CDC123: variants seen among roughly 807,000 people sequenced by gnomAD.
CDC123 encodes cell division cycle 123, also known as translation initiation factor eIF2 assembly protein.
Under a neutral mutation model 54.4 loss-of-function variants are expected in CDC123, and 37 were observed. The ratio of observed to expected loss-of-function variants is 0.68; its 90% CI spans 0.52 to 0.89. The LOEUF is 0.89. Among genes scored for constraint, CDC123 ranks in the 40% least tolerant of loss-of-function variants. The pLI is 0.00. For missense variants in CDC123, 361 were observed against 412.1 expected, an observed-to-expected ratio of 0.88 and a Z score of 1.07; for synonymous variants, 144 against 136.8, an observed-to-expected ratio of 1.05 and a Z score of -0.37.
intron 7 of CDC123, among the ~76,000 whole-genome samples, chr10:12,231,221 A>G (rs565397974): frequency 7.9e-5 from 12 of 152,382 alleles, no homozygotes; most frequent in Admixed American, 7.2e-4. Context: ...TACAGGATAT[A>G]CGCAGACACC....
chr10:12,226,108 CAGA>C (rs1835809238), intron 6 of CDC123, among the ~76,000 whole-genome samples: 1 of 152,132 alleles, frequency 6.6e-6, no homozygotes, highest in Non-Finnish European at 1.5e-5. Flanking sequence ...CATCCCAAGG[CAGA>C]AGAATTTTTC....
intron 10 of CDC123, among the ~76,000 whole-genome samples, chr10:12,240,138 C>T (rs1371359706): frequency 6.6e-6 from 1 of 151,892 alleles, no homozygotes; most frequent in Non-Finnish European, 1.5e-5. Flanking sequence ...ATGAAAACTT[C>T]TGTAAGGAAA....
At chr10:12,202,795 A>C (rs1835457931) in intron 2 of CDC123, among the ~76,000 whole-genome samples, 1 of 152,236 alleles carries the variant, frequency 6.6e-6, no homozygotes, top group Non-Finnish European at 1.5e-5. Flanking sequence ...CGGGCGGATC[A>C]CTTGAGGTTA....
intron 2 of CDC123, among the ~76,000 whole-genome samples, chr10:12,201,007 C>T (rs777632190): frequency 2.6e-5 from 4 of 152,018 alleles, no homozygotes; most frequent in Admixed American, 6.5e-5. Context: ...AGGGACCCTG[C>T]CCTTTTGGAG....
intron 10 of CDC123, among the ~76,000 whole-genome samples, chr10:12,243,477 A>G (rs1836087606): frequency 6.6e-6 from 1 of 151,778 alleles, no homozygotes. Context: ...AAAATGAGTT[A>G]GTTTTACTGA....
chr10:12,206,836 G>A (rs879389054), intron 2 of CDC123, among the ~76,000 whole-genome samples: 3 of 151,940 alleles, frequency 2.0e-5, no homozygotes, highest in Non-Finnish European at 4.4e-5. Context: ...GCGGGCGCCT[G>A]GAGTCCCAGC....
intron 7 of CDC123, among the ~76,000 whole-genome samples, chr10:12,231,748 C>T (rs901833033): frequency 1.3e-5 from 2 of 151,852 alleles, no homozygotes; most frequent in Non-Finnish European, 2.9e-5. Flanking sequence ...TGAAAGTATA[C>T]ACACAACACA....
intron 4 of CDC123, among the ~76,000 whole-genome samples, chr10:12,215,250 G>C (rs1180277336): frequency 6.6e-6 from 1 of 152,182 alleles, no homozygotes; most frequent in Non-Finnish European, 1.5e-5. Context: ...TTTAAATACA[G>C]TTTGCCACAT....
At chr10:12,204,921 A>G (rs1003731748) in intron 2 of CDC123, among the ~76,000 whole-genome samples, 1 of 150,898 alleles carries the variant, frequency 6.6e-6, no homozygotes, top group Admixed American at 6.6e-5. Flanking sequence ...TGAACCTGGA[A>G]GATGGAGGCT....
chr10:12,224,874 G>C (rs1835785732), intron 6 of CDC123, among the ~76,000 whole-genome samples: 1 of 152,106 alleles, frequency 6.6e-6, no homozygotes, highest in Admixed American at 6.5e-5. Context: ...GTGGGATTTA[G>C]GGTAGCCAGA....
intron 2 of CDC123, among the ~76,000 whole-genome samples, chr10:12,204,730 G>A (rs964079230): frequency 6.6e-6 from 1 of 152,112 alleles, no homozygotes; most frequent in African/African-American, 2.4e-5. Flanking sequence ...TGTGGCTCAT[G>A]CCTGTAATTC....
chr10:12,206,818 G>A (rs1466266559), intron 2 of CDC123, among the ~76,000 whole-genome samples: 1 of 152,038 alleles, frequency 6.6e-6, no homozygotes, highest in Admixed American at 6.6e-5. Context: ...AATTAGCCGG[G>A]TGTGGTGGCG....
At chr10:12,223,823 A>C (rs1314965731) in intron 6 of CDC123, among the ~76,000 whole-genome samples, 1 of 152,050 alleles carries the variant, frequency 6.6e-6, no homozygotes, top group Non-Finnish European at 1.5e-5. Context: ...GGGATGTGTA[A>C]TTATCTGTCA....
At chr10:12,223,843 A>T (rs559623395) in intron 6 of CDC123, among the ~76,000 whole-genome samples, 3 of 152,250 alleles carry the variant, frequency 2.0e-5, no homozygotes, top group Admixed American at 1.3e-4. Flanking sequence ...ATTGACGTAC[A>T]CTATGTATTT....
intron 7 of CDC123, 146 bp downstream of exon 7, chr10:12,231,142 T>C (rs1835897570): frequency 2.3e-5 from 15 of 653,244 alleles, no homozygotes; most frequent in Non-Finnish European, 3.9e-5. Context: ...TTATGAAATA[T>C]ACACATAAAA....
intron 8 of CDC123, among the ~76,000 whole-genome samples, chr10:12,236,914 A>G (rs1277334123): frequency 6.6e-6 from 1 of 152,084 alleles, no homozygotes; most frequent in Non-Finnish European, 1.5e-5. Context: ...ACAAAACAAA[A>G]CAAAACAAAA....
intron 7 of CDC123, among the ~76,000 whole-genome samples, chr10:12,232,851 T>G (rs1304073722): frequency 2.0e-5 from 3 of 151,282 alleles, no homozygotes; most frequent in East Asian, 1.9e-4. Flanking sequence ...TGGCGCCATC[T>G]CCGGTTCACG....
intron 5 of CDC123, among the ~76,000 whole-genome samples, chr10:12,217,088 A>G (rs757626660): frequency 6.6e-6 from 1 of 152,096 alleles, no homozygotes; most frequent in Non-Finnish European, 1.5e-5. Context: ...CTTCTCTTCT[A>G]TTATCAGTAA....
chr10:12,196,294 T>A lies in CDC123; in HGVS notation c.49T>A (p.Phe17Ile). The stretch of plus-strand genomic sequence containing the variant: ...CTGCCAGTTCTCCGCGTGGTACCCG[T>A]TCTTCCGAGGCGTTACCATCAAGAG... ...LHCQFSAWYPFFRGVTIKSVI... is the reference protein window; with the variant it reads ...LHCQFSAWYPIFRGVTIKSVI... Residue 17 changes from phenylalanine (F) to isoleucine (I), a missense_variant, in exon 1 of 13, where the codon TTC becomes ATC. Physicochemically the swap from Phe to Ile is conservative, Grantham distance 21 (BLOSUM62 0). Coordinates refer to ENST00000281141, the MANE Select transcript of CDC123 (RefSeq NM_006023.3). The A allele has an allele frequency of 6.2e-7, 1 of 1,613,734 alleles. No homozygotes were observed. The highest frequency in any genetic ancestry group is 8.5e-7 in the Non-Finnish European group (1 of 1,179,800).
Sources: gnomAD v4.1 joint callset for allele counts (sites outside exome capture counted in the v4.1 genomes callset) on GRCh38, gnomAD v4.1.1 for gene constraint, MANE v1.5 for transcripts, NCBI Gene and HGNC (gene_info 2026-07-23, HGNC 2026-07-21) for gene names.